PRKCE: variants seen among roughly 807,000 people sequenced by gnomAD.
PRKCE encodes protein kinase C epsilon type.
PRKCE carries 16 observed loss-of-function variants against 85.4 expected under a neutral mutation model. The ratio of observed to expected loss-of-function variants is 0.19; its 90% CI spans 0.13 to 0.28. PRKCE has a LOEUF of 0.28. Among genes scored for constraint, PRKCE ranks in the 10% least tolerant of loss-of-function variants. The pLI is 1.00. For missense variants in PRKCE, 573 were observed against 975.2 expected (o/e 0.59, Z 5.49); for synonymous variants, 388 against 371.5 (o/e 1.04, Z -0.51).
At chr2:46,078,388 AAATT>A (rs1475510742) in intron 10 of PRKCE, 1 of 151,908 alleles carries the variant, frequency 6.6e-6, no homozygotes, top group Non-Finnish European at 1.5e-5. Flanking sequence ...AAAAAAAAAA[AAATT>A]AGCTGGACAT....
intron 1 of PRKCE, among the ~76,000 whole-genome samples, chr2:45,761,570 C>A (rs975772208): frequency 3.3e-5 from 5 of 152,190 alleles, no homozygotes; most frequent in Admixed American, 6.5e-5. Context: ...AAGCCCCCAG[C>A]CTGAGGAAGA....
rs77881963 is a variant in PRKCE at position 45,899,720 on chromosome 2, A to G, written c.412+56657A>G. On this transcript the variant is annotated intron_variant, in intron 2 of 14. Transcript: ENST00000306156. ...TAATGGCCAACACCATAGTTCCCGA[A>G]GGCCCTGAATTCTCTCTCAGAAGTG... Among the ~76,000 whole-genome samples the G allele has an allele frequency of 1.7e-3, 253 of 152,262 alleles. 1 individual carries two copies. Among genetic ancestry groups the G allele is most frequent in the African/African-American group, 6.0e-3 (249 of 41,556 alleles).
intron 2 of PRKCE, among the ~76,000 whole-genome samples, chr2:45,885,840 T>C (rs1695257236): frequency 6.6e-6 from 1 of 152,248 alleles, no homozygotes; most frequent in Non-Finnish European, 1.5e-5. Context: ...CAAAATGTTG[T>C]GTGTAGGATA....
intron 6 of PRKCE, among the ~76,000 whole-genome samples, chr2:45,997,767 A>C (rs565185666): frequency 6.6e-6 from 1 of 152,210 alleles, no homozygotes; most frequent in African/African-American, 2.4e-5. Context: ...GGCTGGTCTC[A>C]AACTCCTGAC....
intron 1 of PRKCE, among the ~76,000 whole-genome samples, chr2:45,727,078 A>G (rs1009133965): frequency 2.0e-5 from 3 of 152,200 alleles, no homozygotes; most frequent in South Asian, 2.1e-4. Flanking sequence ...ATAAAGATGT[A>G]TACCTGGATG....
chr2:46,069,527 C>G lies in PRKCE; in HGVS notation c.1438-16681C>G, dbSNP rs185260488. The stretch of plus-strand genomic sequence containing the variant: ...TCTAACCATTTAAAAAATCAGTTTC[C>G]TGTATTTTGATTCCATTCATTTATC... On this transcript the variant is annotated intron_variant, in intron 10 of 14. Coordinates refer to ENST00000306156, the MANE Select transcript of PRKCE (RefSeq NM_005400.3). Among the ~76,000 whole-genome samples, 4 of 152,214 alleles carry G rather than the reference C, an allele frequency of 2.6e-5. No homozygotes were observed. The East Asian group carries it at 7.7e-4, about 29-fold the overall frequency.
chr2:45,659,633 C>T (rs1190095691), intron 1 of PRKCE, among the ~76,000 whole-genome samples: 1 of 152,170 alleles, frequency 6.6e-6, no homozygotes, highest in African/African-American at 2.4e-5. Flanking sequence ...CTATCCTGAC[C>T]CACTTGACAC....
At chr2:45,712,063 A>C (rs1361823574) in intron 1 of PRKCE, among the ~76,000 whole-genome samples, 1 of 149,690 alleles carries the variant, frequency 6.7e-6, no homozygotes, top group African/African-American at 2.5e-5. Flanking sequence ...AAAGAATTAC[A>C]TCTTCTCCAC....
intron 2 of PRKCE, among the ~76,000 whole-genome samples, chr2:45,920,887 A>C (rs1698202650): frequency 6.6e-6 from 1 of 152,208 alleles, no homozygotes; most frequent in South Asian, 2.1e-4. Flanking sequence ...TGTGGGATTT[A>C]TCTCAAAGCT....
chr2:45,907,859 G>A lies in PRKCE; in HGVS notation c.412+64796G>A, dbSNP rs1386144553. Among the ~76,000 whole-genome samples, 2 of 152,164 alleles carry A rather than the reference G, an allele frequency of 1.3e-5. No homozygotes were observed. The highest frequency in any genetic ancestry group is 4.8e-5 in the African/African-American group (2 of 41,440). ...ATCCTCTGAGCTAATAATACTTGCC[G>A]AGTGCTGAGAACAGTGCCTGGTATC... is the stretch of plus-strand genomic sequence containing the variant. On this transcript the variant is annotated intron_variant, in intron 2 of 14. Coordinates refer to ENST00000306156, the MANE Select transcript of PRKCE (RefSeq NM_005400.3). This position sits in a 1 kb window ranked among gnomAD's most constrained non-coding sequence, Gnocchi z 4.5.
intron 11 of PRKCE, among the ~76,000 whole-genome samples, chr2:46,089,490 A>G (rs908923114): frequency 1.3e-5 from 2 of 152,048 alleles, no homozygotes; most frequent in African/African-American, 4.8e-5. Context: ...GCTGCCCACA[A>G]TTCTTCTAAA....
intron 1 of PRKCE, among the ~76,000 whole-genome samples, chr2:45,825,856 C>G (rs1689901292): frequency 6.6e-6 from 1 of 152,080 alleles, no homozygotes; most frequent in African/African-American, 2.4e-5. Flanking sequence ...CCACTGCTTT[C>G]CAGCCTGGGC....
chr2:46,113,633 A>G (rs1241074794), intron 11 of PRKCE, among the ~76,000 whole-genome samples: 1 of 152,232 alleles, frequency 6.6e-6, no homozygotes, highest in African/African-American at 2.4e-5. Flanking sequence ...CTATGGGGAA[A>G]GATCTCTGCA....
In PRKCE at chr2:46,007,565, C is replaced by G; in HGVS notation, c.1167C>G (p.Pro389=). 4.4e-6 allele frequency: 7 copies of G among 1,599,764 alleles called. No individual in the cohort carries two copies. Among genetic ancestry groups the G allele is most frequent in the Non-Finnish European group, 5.9e-6 (7 of 1,179,964 alleles). Residue 389 remains proline, a synonymous_variant, in exon 9 of 15, where the codon CCC becomes CCG. Transcript: ENST00000306156. ...ASSPDGQLMS[P]GENGEVRQGQ... is the part of the protein sequence containing the mutation. ...CTCCTGATGGCCAGCTGATGAGCCC[C>G]GGTGAGAATGGCGAAGTCCGGCAAG...
chr2:46,086,124 C>T (rs1353446960), intron 10 of PRKCE, 84 bp from the exon 11 acceptor site: 3 of 1,445,242 alleles, frequency 2.1e-6, no homozygotes, highest in African/African-American at 2.8e-5. Context: ...GTCTTGGTAA[C>T]CTTACACTGA....
chr2:46,065,249 C>G (rs1667526425), intron 10 of PRKCE, among the ~76,000 whole-genome samples: 1 of 151,960 alleles, frequency 6.6e-6, no homozygotes, highest in African/African-American at 2.4e-5. Context: ...TGAAAGAATG[C>G]TGTTTATCTA....
intron 1 of PRKCE, among the ~76,000 whole-genome samples, chr2:45,705,011 G>T (rs1678992403): frequency 6.6e-6 from 1 of 152,182 alleles, no homozygotes; most frequent in South Asian, 2.1e-4. Context: ...TCCTTGCAGG[G>T]GAGCTGTGGG....
chr2:46,036,156 T>C (rs955793149), intron 10 of PRKCE, among the ~76,000 whole-genome samples: 6 of 151,478 alleles, frequency 4.0e-5, no homozygotes, highest in Admixed American at 3.9e-4. Context: ...GTGGCAGGAG[T>C]GTGTCTGGGA....
chr2:45,857,486 C>T lies in PRKCE; in HGVS notation c.412+14423C>T, dbSNP rs575567063. 3.3e-4 allele frequency among the ~76,000 whole-genome samples: 51 copies of T among 152,366 alleles called. 1 individual carries two copies. The highest frequency in any genetic ancestry group is 6.0e-4 in the Non-Finnish European group (41 of 68,038). The stretch of plus-strand genomic sequence containing the variant: ...AAGCTTTGACGATGTGCCCTATTAG[C>T]CTCTATACTCTGAAGTAGATCTATC... On this transcript the variant is annotated intron_variant, in intron 2 of 14. Coordinates refer to ENST00000306156, the MANE Select transcript of PRKCE (RefSeq NM_005400.3).
Sources: allele counts gnomAD v4.1 joint callset (sites outside exome capture counted in the v4.1 genomes callset), GRCh38; gene constraint gnomAD v4.1.1; non-coding constraint Gnocchi (gnomAD v3.1); transcripts MANE v1.5; gene names NCBI Gene and HGNC (gene_info 2026-07-23, HGNC 2026-07-21).